Variants in PTER observed in about 807,000 individuals in gnomAD.
PTER encodes the protein phosphotriesterase related, also known as N-acetyltaurine hydrolase.
PTER carries 38 observed loss-of-function variants against 29.6 expected under a neutral mutation model. The observed-to-expected ratio is 1.28, with a 90% CI of 0.99 to 1.68. The LOEUF is 1.68. PTER is among the 40% of genes most tolerant of loss of function. The pLI is 0.00. For missense variants in PTER, 482 were observed against 427.8 expected, an observed-to-expected ratio of 1.13 and a Z score of -1.12; for synonymous variants, 172 against 154.5, an observed-to-expected ratio of 1.11 and a Z score of -0.84.
rs182661843 is a variant in PTER, at chr10:16,498,478, G to A, written c.699-6542G>A. ...GGCACTTGTAATCCCAGCTACTCGGGAGGCTGAGGCAGGAGAATCGCTTGA... is the reference window on the plus strand; with the variant it reads ...GGCACTTGTAATCCCAGCTACTCGGAAGGCTGAGGCAGGAGAATCGCTTGA... On this transcript the variant is annotated intron_variant, in intron 3 of 4. Coordinates refer to ENST00000535784, the MANE Select transcript of PTER (RefSeq NM_001261836.2). Among the ~76,000 whole-genome samples the A allele has an allele frequency of 9.1e-4, 139 of 152,316 alleles. 1 individual carries two copies. The highest frequency in any genetic ancestry group is 6.9e-3 in the Admixed American group (106 of 15,304).
chr10:16,469,469 G>C (rs1834966653), intron 1 of PTER, among the ~76,000 whole-genome samples: 1 of 152,152 alleles, frequency 6.6e-6, no homozygotes, highest in Non-Finnish European at 1.5e-5. Flanking sequence ...TCTGTGAGAT[G>C]ATGGTGGTTC....
chr10:16,467,450 A>C (rs962231731), intron 1 of PTER, among the ~76,000 whole-genome samples: 1 of 152,208 alleles, frequency 6.6e-6, no homozygotes, highest in African/African-American at 2.4e-5. Flanking sequence ...GAAAGTTAAA[A>C]AAACAAAAAC....
chr10:16,495,193 C>T (rs866863093), intron 3 of PTER, among the ~76,000 whole-genome samples: 61 of 124,610 alleles, frequency 4.9e-4, no homozygotes, highest in African/African-American at 1.8e-3. Flanking sequence ...TTTTTTGAGA[C>T]AGTGTCTTGC....
At position 16,443,182 on chromosome 10, in the gene PTER, G is replaced by A. The variant is rs570183449; in HGVS notation, c.-49+6135G>A. 3.9e-4 allele frequency among the ~76,000 whole-genome samples: 59 copies of A among 152,304 alleles called. 1 individual carries two copies. Among genetic ancestry groups the A allele is most frequent in the African/African-American group, 1.3e-3 (52 of 41,566 alleles). The stretch of plus-strand genomic sequence containing the variant: ...CTGGAAGTCCCAGATCAAGGTGTCA[G>A]CAGTGTTGGCCTCTTCTGAGGTCTC... On this transcript the variant is annotated intron_variant, in intron 1 of 4. Coordinates refer to ENST00000535784, the MANE Select transcript of PTER (RefSeq NM_001261836.2).
chr10:16,440,635 T>C (rs1448943310), intron 1 of PTER, among the ~76,000 whole-genome samples: 1 of 152,162 alleles, frequency 6.6e-6, no homozygotes, highest in African/African-American at 2.4e-5. Flanking sequence ...GTGACCTGTG[T>C]CACTTCCAGG....
At chr10:16,515,326 A>T (rs1438752601), downstream of PTER, among the ~76,000 whole-genome samples, 5 of 151,722 alleles carry the variant, frequency 3.3e-5, no homozygotes, top group Non-Finnish European at 7.4e-5. Context: ...GCTCATTTAT[A>T]CATCTTTGAT....
intron 1 of PTER, among the ~76,000 whole-genome samples, chr10:16,444,383 C>T (rs943369213): frequency 1.9e-4 from 29 of 151,674 alleles, no homozygotes; most frequent in South Asian, 6.3e-4. Flanking sequence ...TGGGCTAAAG[C>T]GATCCTCCTG....
chr10:16,480,588 A>G (rs1230543287), intron 1 of PTER, among the ~76,000 whole-genome samples: 5 of 152,140 alleles, frequency 3.3e-5, no homozygotes, highest in Admixed American at 6.6e-5. Flanking sequence ...AGAAGAGCCT[A>G]TGTTTATGAA....
intron 4 of PTER, among the ~76,000 whole-genome samples, chr10:16,508,194 G>A (rs531230375): frequency 2.7e-5 from 4 of 149,124 alleles, no homozygotes; most frequent in Non-Finnish European, 5.9e-5. Flanking sequence ...TCAGCCTCCC[G>A]AGTAGCTGGG....
chr10:16,508,826 G>C (rs144761567), intron 4 of PTER, among the ~76,000 whole-genome samples: 1 of 152,142 alleles, frequency 6.6e-6, no homozygotes, highest in African/African-American at 2.4e-5. Flanking sequence ...TTTGGGTTGC[G>C]TGTGCTCCAG....
intron 1 of PTER, among the ~76,000 whole-genome samples, chr10:16,469,901 G>GTT (rs60896166): frequency 6.8e-6 from 1 of 147,756 alleles, no homozygotes; most frequent in Admixed American, 6.8e-5. Flanking sequence ...TTGTTTTTTT[G>GTT]TTTTTTTTTT....
intron 3 of PTER, among the ~76,000 whole-genome samples, chr10:16,493,053 T>A (rs540839364): frequency 1.2e-4 from 18 of 152,330 alleles, no homozygotes; most frequent in African/African-American, 4.1e-4. Flanking sequence ...CTTGCATGTC[T>A]AATTACCATA....
At chr10:16,455,060 C>G (rs1007263464) in intron 1 of PTER, among the ~76,000 whole-genome samples, 3 of 151,912 alleles carry the variant, frequency 2.0e-5, no homozygotes, top group Admixed American at 6.6e-5. Context: ...GAAACCCTGT[C>G]TCTACAAAAC....
chr10:16,441,261 G>A (rs575030671), intron 1 of PTER, among the ~76,000 whole-genome samples: 7 of 152,276 alleles, frequency 4.6e-5, no homozygotes, highest in South Asian at 2.1e-4. Context: ...AGGAATGTTC[G>A]TGGGTGAGTT....
At chr10:16,441,874 C>G (rs1429569566) in intron 1 of PTER, among the ~76,000 whole-genome samples, 4 of 151,458 alleles carry the variant, frequency 2.6e-5, no homozygotes, top group Non-Finnish European at 4.4e-5. Context: ...ACTGAATTCA[C>G]TTACATAATC....
chr10:16,468,826 AT>A (rs1253749796), intron 1 of PTER, among the ~76,000 whole-genome samples: 8 of 152,106 alleles, frequency 5.3e-5, no homozygotes, highest in South Asian at 4.1e-4. Context: ...AATAAAAAAA[AT>A]AATTGGGTGT....
intron 1 of PTER, among the ~76,000 whole-genome samples, chr10:16,480,090 G>GGGAT (rs1341887462): frequency 6.8e-6 from 1 of 147,536 alleles, no homozygotes; most frequent in Non-Finnish European, 1.5e-5. Flanking sequence ...AATGAAACAA[G>GGGAT]GGATGTATGA....
intron 1 of PTER, among the ~76,000 whole-genome samples, chr10:16,483,122 G>A (rs1294787163): frequency 6.6e-6 from 1 of 152,114 alleles, no homozygotes; most frequent in Admixed American, 6.6e-5. Context: ...AAAAGGAAAT[G>A]TACTTTTAAA....
intron 3 of PTER, among the ~76,000 whole-genome samples, chr10:16,499,586 T>A (rs1419814893): frequency 6.6e-6 from 1 of 151,754 alleles, no homozygotes; most frequent in Non-Finnish European, 1.5e-5. Context: ...GGACCCCGGG[T>A]GTGCACCACC....
Sources: allele counts gnomAD v4.1 joint callset (sites outside exome capture counted in the v4.1 genomes callset), GRCh38; gene constraint gnomAD v4.1.1; transcripts MANE v1.5; gene names NCBI Gene and HGNC (gene_info 2026-07-23, HGNC 2026-07-21).